Variants in OTUD7A observed in about 807,000 individuals in gnomAD.
The protein encoded by OTUD7A is OTU domain-containing protein 7A.
OTUD7A carries 12 observed loss-of-function variants against 65.7 expected under a neutral mutation model. The observed-to-expected ratio is 0.18, with a 90% CI of 0.12 to 0.30. The LOEUF (loss-of-function observed/expected upper bound fraction) is 0.30, where lower values mean the gene tolerates loss of function less well. OTUD7A is among the 10% of genes least tolerant of loss of function. The probability of loss-of-function intolerance (pLI) is 1.00; values close to 1 mark genes in which losing one functional copy is unlikely to be tolerated. For synonymous variants in OTUD7A, 641 were observed against 586.3 expected, an observed-to-expected ratio of 1.09 and a Z score of -1.35; for missense variants, 1,148 against 1,304.8, an observed-to-expected ratio of 0.88 and a Z score of 1.85.
chr15:31,496,463 C>T (rs2041386041), intron 10 of OTUD7A, among the ~76,000 whole-genome samples: 3 of 152,150 alleles, frequency 2.0e-5, no homozygotes. Context: ...ACCTCGTGAT[C>T]CGCCTGCCTC....
intron 1 of OTUD7A, among the ~76,000 whole-genome samples, chr15:31,661,653 C>T (rs1315281849): frequency 6.6e-6 from 1 of 152,160 alleles, no homozygotes; most frequent in Non-Finnish European, 1.5e-5. Flanking sequence ...ATTATTTCAT[C>T]CACAACTACT....
chr15:31,555,356 T>C (rs890043364), intron 5 of OTUD7A, among the ~76,000 whole-genome samples: 3 of 152,248 alleles, frequency 2.0e-5, no homozygotes, highest in African/African-American at 7.2e-5. Flanking sequence ...TTTTGACATC[T>C]GTATTTCAAT....
Position 31,484,838 on chromosome 15 carries a change from C to G in OTUD7A, c.1372-114G>C. The G allele has an allele frequency of 6.8e-7, 1 of 1,469,208 alleles. No individual in the cohort carries two copies. Among genetic ancestry groups the G allele is most frequent in the East Asian group, 2.5e-5 (1 of 40,592 alleles). The allele number at this position is 1,469,208 out of a possible 1,614,324, so 91.0% of individuals were successfully genotyped here. ...CCGAGGCTAGGGCCCTGGACCTTCA[C>G]TGTCCCAGTCCCCACTGTCGCTCTG... On this transcript the variant is annotated intron_variant, in intron 12 of 12. Transcript: ENST00000307050. The surrounding 1 kb of genome is among the most constrained non-coding windows in gnomAD (Gnocchi z 4.5).
intron 1 of OTUD7A, among the ~76,000 whole-genome samples, chr15:31,768,480 G>A (rs769081748): frequency 2.0e-5 from 3 of 152,028 alleles, no homozygotes; most frequent in African/African-American, 4.8e-5. Context: ...GCAACTTGAC[G>A]AAACCCTGTC....
At chr15:31,792,994 G>A (rs769658532) in intron 1 of OTUD7A, among the ~76,000 whole-genome samples, 1 of 152,130 alleles carries the variant, frequency 6.6e-6, no homozygotes, top group African/African-American at 2.4e-5. Flanking sequence ...GAGACACCAC[G>A]TGCCTCACAC....
At chr15:31,687,359 G>A (rs1892862197) in intron 1 of OTUD7A, among the ~76,000 whole-genome samples, 1 of 152,194 alleles carries the variant, frequency 6.6e-6, no homozygotes, top group Non-Finnish European at 1.5e-5. Flanking sequence ...TGGGGCCTCT[G>A]CTCTGTCACT....
rs1486123643 is a variant in OTUD7A at position 31,860,675 on chromosome 15, GTGTATATATA to G, written c.-100+9822_-100+9831del. ...TATGTGTGTATATATAGATGTATGT[GTGTATATATA>G]TATATATATATATATGTATGTATAT... is the stretch of plus-strand genomic sequence containing the variant. On this transcript the variant is annotated intron_variant, in intron 1 of 12. Coordinates refer to ENST00000307050, the MANE Select transcript of OTUD7A (RefSeq NM_001382637.1). Among the ~76,000 whole-genome samples the G allele has an allele frequency of 3.0e-4, 4 of 13,148 alleles. No homozygotes were observed. In the East Asian group the frequency reaches 0.018, roughly 58 times the overall value. 8.6% of individuals were successfully genotyped at this position (13,148 alleles called of 152,430 possible).
chr15:31,501,864 G>T lies in OTUD7A; in HGVS notation c.1022-25C>A, dbSNP rs374744782. On this transcript the variant is annotated intron_variant, in intron 9 of 12. Transcript: ENST00000307050. Reference sequence around the variant, plus strand: ...GCTGTGGACACAAACCAGGGTGAGGGTGTGAGGAGCAGCCAGCTCGAGCTG... The same window carrying T: ...GCTGTGGACACAAACCAGGGTGAGGTTGTGAGGAGCAGCCAGCTCGAGCTG... 35 of 1,590,080 alleles carry T rather than the reference G, an allele frequency of 2.2e-5. 1 individual carries two copies. In the African/African-American group the frequency reaches 4.6e-4, roughly 21 times the overall value.
At chr15:31,825,446 A>G (rs1464217246) in intron 1 of OTUD7A, among the ~76,000 whole-genome samples, 1 of 152,248 alleles carries the variant, frequency 6.6e-6, no homozygotes, top group Non-Finnish European at 1.5e-5. Flanking sequence ...CCATGAGAAC[A>G]GTATGGGGGA....
chr15:31,649,148 C>T (rs1224786498), intron 3 of OTUD7A, among the ~76,000 whole-genome samples: 1 of 152,192 alleles, frequency 6.6e-6, no homozygotes, highest in Non-Finnish European at 1.5e-5. Context: ...GGCTTCCTGC[C>T]CTGAAATAAA....
chr15:31,557,104 C>T (rs1888522555), intron 5 of OTUD7A: 1 of 152,358 alleles, frequency 6.6e-6, no homozygotes, highest in East Asian at 1.9e-4. Flanking sequence ...TAATGTCAAG[C>T]ATGCCATTGG....
chr15:31,514,339 C>G (rs768617408), intron 8 of OTUD7A, among the ~76,000 whole-genome samples: 2 of 152,140 alleles, frequency 1.3e-5, no homozygotes, highest in Non-Finnish European at 2.9e-5. Flanking sequence ...GTGTGAGCCA[C>G]CGTGCCCAGC....
intron 4 of OTUD7A, among the ~76,000 whole-genome samples, chr15:31,565,735 G>A (rs569257521): frequency 2.0e-5 from 3 of 152,308 alleles, no homozygotes; most frequent in East Asian, 1.9e-4. Flanking sequence ...GTCCAGGTAT[G>A]TTGAGAATTT....
At chr15:31,823,340 T>G (rs1485973693) in intron 1 of OTUD7A, among the ~76,000 whole-genome samples, 8 of 152,188 alleles carry the variant, frequency 5.3e-5, no homozygotes, top group Admixed American at 4.6e-4. Context: ...GGGTGTGGCC[T>G]TAAGAGGGAG....
chr15:31,812,041 G>T (rs1896432046), intron 1 of OTUD7A, among the ~76,000 whole-genome samples: 1 of 152,236 alleles, frequency 6.6e-6, no homozygotes, highest in Admixed American at 6.5e-5. Flanking sequence ...GATGGGGCAG[G>T]TGGTGACCAG....
intron 1 of OTUD7A, among the ~76,000 whole-genome samples, chr15:31,683,809 T>A (rs927235905): frequency 1.3e-5 from 2 of 152,132 alleles, no homozygotes; most frequent in African/African-American, 4.8e-5. Context: ...TGGTACTTTT[T>A]ATATCAAAAT....
intron 3 of OTUD7A, among the ~76,000 whole-genome samples, chr15:31,583,974 A>G (rs1396158897): frequency 6.6e-6 from 1 of 152,194 alleles, no homozygotes; most frequent in African/African-American, 2.4e-5. Context: ...TTCATACTGG[A>G]AATGGTTCCA....
chr15:31,543,835 G>C (rs1033058982), intron 5 of OTUD7A, among the ~76,000 whole-genome samples: 15 of 151,760 alleles, frequency 9.9e-5, no homozygotes, highest in African/African-American at 1.4e-4. Flanking sequence ...CGGTAATTGA[G>C]AGAAAAAGTA....
intron 5 of OTUD7A, 160 bp downstream of exon 5, chr15:31,558,809 G>A (rs1014208279): frequency 1.6e-5 from 12 of 753,378 alleles, no homozygotes; most frequent in African/African-American, 1.2e-4. Flanking sequence ...GAACACTGTC[G>A]GCCCGTAGAG....
Sources: allele counts gnomAD v4.1 joint callset (sites outside exome capture counted in the v4.1 genomes callset), GRCh38; gene constraint gnomAD v4.1.1; non-coding constraint Gnocchi (gnomAD v3.1); transcripts MANE v1.5; gene names NCBI Gene and HGNC (gene_info 2026-07-23, HGNC 2026-07-21).